TRAPPC10: variants seen among roughly 807,000 people sequenced by gnomAD.
TRAPPC10 encodes TRAPP 130 kDa subunit.
A neutral mutation model predicts 125.5 loss-of-function variants in TRAPPC10; 23 were observed. The ratio of observed to expected loss-of-function variants is 0.18; its 90% confidence interval spans 0.13 to 0.26. The LOEUF is 0.26. TRAPPC10 is among the 10% of genes least tolerant of loss of function. The pLI, the probability that TRAPPC10 is intolerant of heterozygous loss-of-function variation, is 1.00. For missense variants in TRAPPC10, 1,123 were observed against 1,308.4 expected, an observed-to-expected ratio of 0.86 and a Z score of 2.19; for synonymous variants, 509 against 518.0, an observed-to-expected ratio of 0.98 and a Z score of 0.24.
intron 1 of TRAPPC10, among the ~76,000 whole-genome samples, chr21:44,016,908 G>T (rs1601539089): frequency 1.3e-5 from 2 of 152,180 alleles, no homozygotes; most frequent in South Asian, 2.1e-4. Flanking sequence ...GCCCGCCTCA[G>T]CCTCCCAAAG....
intron 11 of TRAPPC10, among the ~76,000 whole-genome samples, chr21:44,079,008 C>T (rs543195550): frequency 1.1e-4 from 16 of 152,298 alleles, no homozygotes; most frequent in Admixed American, 2.0e-4. Context: ...TTTAATTCTC[C>T]GGCGTTCTCT....
At chr21:44,084,910 G>C (rs753191095) in intron 15 of TRAPPC10, among the ~76,000 whole-genome samples, 16 of 152,224 alleles carry the variant, frequency 1.1e-4, no homozygotes, top group Non-Finnish European at 2.1e-4. Flanking sequence ...AGTGTGGAGG[G>C]TGAGGTATGG....
At chr21:44,074,627 G>A (rs992460648) in intron 8 of TRAPPC10, among the ~76,000 whole-genome samples, 157 bp downstream of exon 8, 13 of 152,246 alleles carry the variant, frequency 8.5e-5, no homozygotes, top group Admixed American at 6.5e-5. Context: ...AGCCAAAGAA[G>A]TCATAGTTCC....
chr21:44,093,685 G>A (rs567228494), intron 19 of TRAPPC10, among the ~76,000 whole-genome samples: 93 of 152,120 alleles, frequency 6.1e-4, no homozygotes, highest in Middle Eastern at 3.4e-3. Flanking sequence ...TTGAACCCAG[G>A]AGGTGGAGGT....
chr21:44,092,511 C>T (rs1380098529), intron 19 of TRAPPC10, among the ~76,000 whole-genome samples: 1 of 152,126 alleles, frequency 6.6e-6, no homozygotes, highest in African/African-American at 2.4e-5. Flanking sequence ...TTGCTTTTTC[C>T]GTTTATCTTT....
In TRAPPC10 at chr21:44,074,242, G is replaced by A. The variant is rs552121127; in HGVS notation, c.1039-82G>A. The A allele has an allele frequency of 1.4e-3, 2,134 of 1,565,004 alleles. 45 individuals are homozygous for A. In the South Asian group the frequency reaches 0.017, roughly 12 times the overall value. The stretch of plus-strand genomic sequence containing the variant: ...GCTTGAAGGATGGAGGGTTTTGCAC[G>A]TTCAAGCTAGAGCATGTGGGTTTGT... On this transcript the variant is annotated intron_variant, in intron 7 of 22. Transcript: ENST00000291574.
chr21:44,065,292 C>T (rs528035188), intron 7 of TRAPPC10, among the ~76,000 whole-genome samples: 3 of 152,204 alleles, frequency 2.0e-5, no homozygotes, highest in East Asian at 3.9e-4. Flanking sequence ...AGGAGCCATA[C>T]GGGGTCTGTT....
intron 1 of TRAPPC10, among the ~76,000 whole-genome samples, chr21:44,023,492 GGTT>G (rs1358506239): frequency 6.6e-6 from 1 of 152,146 alleles, no homozygotes; most frequent in African/African-American, 2.4e-5. Context: ...TTGGTGAGCA[GGTT>G]GTTCTCCCTT....
At chr21:44,068,608 T>C (rs2036626048) in intron 7 of TRAPPC10, among the ~76,000 whole-genome samples, 1 of 152,120 alleles carries the variant, frequency 6.6e-6, no homozygotes, top group South Asian at 2.1e-4. Flanking sequence ...GTAGATTTTA[T>C]TTTTTATTAT....
intron 1 of TRAPPC10, among the ~76,000 whole-genome samples, chr21:44,026,412 A>G (rs1209361331): frequency 6.6e-6 from 1 of 152,196 alleles, no homozygotes; most frequent in African/African-American, 2.4e-5. Flanking sequence ...ACAGGCTGAG[A>G]TGACTTCCCA....
rs58788887 is a variant in TRAPPC10 at position 44,077,896 on chromosome 21, A to G, written c.1469+112A>G. 5,879 of 728,520 alleles carry G rather than the reference A, an allele frequency of 8.1e-3. 272 individuals are homozygous for G. The African/African-American group carries it at 0.095, about 12-fold the overall frequency. The allele number at this position is 728,520 out of a possible 1,614,324, so 45.1% of individuals were successfully genotyped here. ...CATAAATTTGTAGACTGAAAAGTGT[A>G]GATTCTCTTACCCAGTCCTCATAAT... On this transcript the variant is annotated intron_variant, in intron 11 of 22. Transcript: ENST00000291574.
intron 1 of TRAPPC10, 100 bp downstream of exon 1, chr21:44,012,660 T>A: frequency 8.9e-7 from 1 of 1,118,388 alleles, no homozygotes. Flanking sequence ...CCCGGCGCGC[T>A]CCGGGCTGGG....
intron 1 of TRAPPC10, among the ~76,000 whole-genome samples, chr21:44,018,102 A>G (rs2032075337): frequency 1.3e-5 from 2 of 151,912 alleles, no homozygotes; most frequent in Admixed American, 1.3e-4. Context: ...AAGAGTTTCT[A>G]GTAAGTTCTT....
intron 1 of TRAPPC10, among the ~76,000 whole-genome samples, chr21:44,022,075 T>A (rs1213260475): frequency 6.6e-6 from 1 of 151,896 alleles, no homozygotes; most frequent in African/African-American, 2.4e-5. Context: ...TGGTATTTTT[T>A]AATTACACCT....
chr21:44,079,430 A>G, intron 11 of TRAPPC10, 134 bp from the exon 12 acceptor site: 1 of 969,844 alleles, frequency 1.0e-6, no homozygotes, highest in Non-Finnish European at 1.5e-6. Context: ...GTGGGTGGAA[A>G]AGGGCTATCT....
Position 44,063,655 on chromosome 21 carries a change from T to C in TRAPPC10, c.908T>C (p.Leu303Pro), listed in dbSNP as rs2036216973. ...RESIQRREAT[L>P]LDLRSYLFSR... ...TCGATCCAGAGGCGAGAAGCCACCC[T>C]GTTAGATCTGCGCAGTTACCTGTTC... The change falls in exon 7 of 23, where the codon CTG (leucine) becomes CCG (proline). Residue 303 changes from leucine to proline, a missense_variant. Physicochemically the swap from Leu to Pro is moderately conservative, Grantham distance 98 (BLOSUM62 -3). Transcript: ENST00000291574. This position sits in a 1 kb window ranked among gnomAD's most constrained non-coding sequence, Gnocchi z 4.4. 6.2e-7 allele frequency: 1 copy of C among 1,614,126 alleles called. No homozygotes were observed. Among genetic ancestry groups the C allele is most frequent in the African/African-American group, 1.3e-5 (1 of 74,954 alleles).
chr21:44,038,261 C>G (rs1355686542), intron 3 of TRAPPC10, among the ~76,000 whole-genome samples: 2 of 152,142 alleles, frequency 1.3e-5, no homozygotes, highest in Admixed American at 6.5e-5. Flanking sequence ...ACCGTGGCGC[C>G]GAGCGTGGTC....
At chr21:44,022,276 A>AT (rs58767563) in intron 1 of TRAPPC10, among the ~76,000 whole-genome samples, 11,100 of 83,200 alleles carry the variant, frequency 0.13, 1,077 homozygotes, top group Non-Finnish European at 0.19. Flanking sequence ...GCCTGGCTAA[A>AT]TTTTTTTTTT....
intron 17 of TRAPPC10, chr21:44,088,224 C>T: frequency 2.3e-6 from 1 of 436,738 alleles, no homozygotes; most frequent in South Asian, 2.5e-5. Context: ...AAACTTGGGT[C>T]ATGTCCATTA....
Sources: allele counts gnomAD v4.1 joint callset (sites outside exome capture counted in the v4.1 genomes callset), GRCh38; gene constraint gnomAD v4.1.1; non-coding constraint Gnocchi (gnomAD v3.1); transcripts MANE v1.5; gene names NCBI Gene and HGNC (gene_info 2026-07-23, HGNC 2026-07-21).